The following KDM5A variants were observed in gnomAD, a reference collection of about 807,000 sequenced individuals.
KDM5A encodes the protein lysine demethylase 5A.
A neutral mutation model predicts 193.5 loss-of-function variants in KDM5A; 42 were observed. That is an observed-to-expected ratio of 0.22 (90% CI 0.17 to 0.28). The LOEUF is 0.28. Among genes scored for constraint, KDM5A ranks in the 10% least tolerant of loss-of-function variants. The pLI is 1.00. For synonymous variants in KDM5A, 796 were observed against 718.1 expected, an observed-to-expected ratio of 1.11 and a Z score of -1.73; for missense variants, 1,692 against 2,055.1, an observed-to-expected ratio of 0.82 and a Z score of 3.42.
At chr12:341,632 T>C (rs1349018353) in intron 10 of KDM5A, among the ~76,000 whole-genome samples, 1 of 152,042 alleles carries the variant, frequency 6.6e-6, no homozygotes, top group Non-Finnish European at 1.5e-5. Flanking sequence ...CTGGGTGTGG[T>C]GGTTTACATC....
intron 10 of KDM5A, among the ~76,000 whole-genome samples, chr12:344,683 G>A: frequency 1.3e-5 from 2 of 152,152 alleles, no homozygotes. Flanking sequence ...ATAAGTGAAG[G>A]AGAAATAAAA....
chr12:285,402 T>C lies in KDM5A; in HGVS notation c.*54A>G. The C allele has an allele frequency of 4.1e-6, 6 of 1,467,508 alleles. No homozygotes were observed. The highest frequency in any genetic ancestry group is 5.7e-6 in the Non-Finnish European group (6 of 1,046,956). The allele number at this position is 1,467,508 out of a possible 1,614,324, so 90.9% of individuals were successfully genotyped here. A position where few individuals can be genotyped will look rare whatever the true frequency, so the allele number is the denominator to read the frequency against. ...GATATAAACCACTCTACTTGATGAC[T>C]AAGGTCTCAATGTGGTCCATGTCCC... On this transcript the variant is annotated 3_prime_UTR_variant, in exon 28 of 28. Coordinates refer to ENST00000399788, the MANE Select transcript of KDM5A (RefSeq NM_001042603.3).
intron 18 of KDM5A, 143 bp downstream of exon 18, chr12:320,852 A>G: frequency 1.5e-6 from 1 of 671,590 alleles, no homozygotes; most frequent in Non-Finnish European, 2.7e-6. Context: ...ACTGCCTACT[A>G]AAGAACCTCA....
At chr12:310,733 C>T in intron 21 of KDM5A, 152 bp downstream of exon 21, 1 of 890,406 alleles carries the variant, frequency 1.1e-6, no homozygotes, top group Non-Finnish European at 1.8e-6. Context: ...GGAAATGAAT[C>T]TGCCCAAGGT....
intron 3 of KDM5A, among the ~76,000 whole-genome samples, chr12:368,712 G>A (rs973859712): frequency 1.3e-5 from 2 of 152,144 alleles, no homozygotes. Flanking sequence ...GCCTGGGCAA[G>A]AGCGAGACCC....
At chr12:332,224 A>AT (rs1405204250) in intron 12 of KDM5A, among the ~76,000 whole-genome samples, 1 of 152,164 alleles carries the variant, frequency 6.6e-6, no homozygotes, top group Non-Finnish European at 1.5e-5. Context: ...AACTGATACA[A>AT]TTTTTACAAT....
chr12:331,147 A>C (rs1437351196), intron 13 of KDM5A, among the ~76,000 whole-genome samples: 1 of 152,194 alleles, frequency 6.6e-6, no homozygotes, highest in Non-Finnish European at 1.5e-5. Context: ...TCAGAAAAAA[A>C]AAATTAAGGA....
Position 324,431 on chromosome 12 carries a change from A to C in KDM5A, c.1969-650T>G, listed in dbSNP as rs139879424. Among the ~76,000 whole-genome samples the C allele has an allele frequency of 3.0e-3, 453 of 152,346 alleles. 1 individual carries two copies. Among genetic ancestry groups the C allele is most frequent in the African/African-American group, 0.01 (432 of 41,588 alleles). ...TTCCTCCCAATTACATCCTTGAGCAAAATAAATCAGTAATCTATTATCCAA... is the reference window on the plus strand; with the variant it reads ...TTCCTCCCAATTACATCCTTGAGCACAATAAATCAGTAATCTATTATCCAA... On this transcript the variant is annotated intron_variant, in intron 14 of 27. Transcript: ENST00000399788.
chr12:337,643 A>G (rs866557504), intron 10 of KDM5A, among the ~76,000 whole-genome samples: 1 of 149,128 alleles, frequency 6.7e-6, no homozygotes, highest in African/African-American at 2.6e-5. Context: ...AAATATTTCT[A>G]AACTTTTTTT....
chr12:312,872 A>C (rs1943605956), intron 20 of KDM5A, among the ~76,000 whole-genome samples, 184 bp downstream of exon 20: 1 of 152,212 alleles, frequency 6.6e-6, no homozygotes, highest in African/African-American at 2.4e-5. Context: ...TCAAATTTCG[A>C]AACACAGTTT....
At chr12:352,459 A>C in intron 8 of KDM5A, 135 bp from the exon 9 acceptor site, 5 of 770,512 alleles carry the variant, frequency 6.5e-6, no homozygotes, top group Non-Finnish European at 1.1e-5. Flanking sequence ...CAAAACAAAT[A>C]TCAGCTACTT....
At chr12:320,392 A>G (rs902973395) in intron 18 of KDM5A, among the ~76,000 whole-genome samples, 16 of 152,148 alleles carry the variant, frequency 1.1e-4, no homozygotes, top group African/African-American at 3.9e-4. Flanking sequence ...GCTACTCGGG[A>G]GGCTGAGGCA....
intron 13 of KDM5A, among the ~76,000 whole-genome samples, chr12:330,095 A>ATATC (rs1555132349): frequency 9.5e-6 from 1 of 105,378 alleles, no homozygotes; most frequent in African/African-American, 3.5e-5. Flanking sequence ...GTATATATAT[A>ATATC]TATCTTATGA....
At chr12:382,738 C>T (rs1944590705) in intron 3 of KDM5A, among the ~76,000 whole-genome samples, 1 of 152,020 alleles carries the variant, frequency 6.6e-6, no homozygotes, top group African/African-American at 2.4e-5. Context: ...TCGAGACCAG[C>T]CTGACTAAGA....
intron 24 of KDM5A, among the ~76,000 whole-genome samples, chr12:303,309 A>G (rs1943468273): frequency 6.6e-6 from 1 of 152,240 alleles, no homozygotes; most frequent in African/African-American, 2.4e-5. Context: ...CAGCACATAT[A>G]TACCATGGAA....
At chr12:352,103 CAAAAAAAAAA>C (rs58266653) in intron 9 of KDM5A, 92 bp downstream of exon 9, 38 of 378,754 alleles carry the variant, frequency 1.0e-4, no homozygotes, top group African/African-American at 7.9e-4. Flanking sequence ...GACTCCGTCT[CAAAAAAAAAA>C]AAAAAAAAAA....
At position 377,527 on chromosome 12, in the gene KDM5A, A is replaced by G. The variant is rs538909328; in HGVS notation, c.366+6504T>C. Reference sequence around the variant, plus strand: ...ACAAAAAAACAAGAATTAATATAGCATCGTTCTTCTCACCAACAAGACAAT... The same window carrying G: ...ACAAAAAAACAAGAATTAATATAGCGTCGTTCTTCTCACCAACAAGACAAT... On this transcript the variant is annotated intron_variant, in intron 3 of 27. Coordinates refer to ENST00000399788, the MANE Select transcript of KDM5A (RefSeq NM_001042603.3). 2.6e-5 allele frequency among the ~76,000 whole-genome samples: 4 copies of G among 152,312 alleles called. No homozygotes were observed. In the South Asian group the frequency reaches 6.2e-4, roughly 24 times the overall value.
chr12:302,745 G>A (rs565577398), intron 24 of KDM5A, among the ~76,000 whole-genome samples: 3 of 152,170 alleles, frequency 2.0e-5, no homozygotes, highest in Non-Finnish European at 4.4e-5. Context: ...CCTACGGAAT[G>A]GGAGAAAATT....
At chr12:338,441 C>T (rs1223004404) in intron 10 of KDM5A, among the ~76,000 whole-genome samples, 1 of 152,186 alleles carries the variant, frequency 6.6e-6, no homozygotes, top group African/African-American at 2.4e-5. Context: ...TGTGATTAAG[C>T]ACACCCTATG....
Sources: gnomAD v4.1 joint callset for allele counts (sites outside exome capture counted in the v4.1 genomes callset) on GRCh38, gnomAD v4.1.1 for gene constraint, MANE v1.5 for transcripts, NCBI Gene and HGNC (gene_info 2026-07-23, HGNC 2026-07-21) for gene names.